TSHZ2: variants seen among roughly 807,000 people sequenced by gnomAD.
TSHZ2 encodes the protein teashirt zinc finger homeobox 2.
In TSHZ2, 21 loss-of-function variants were observed where a neutral mutation model predicts 74.4. The ratio of observed to expected loss-of-function variants is 0.28; its 90% confidence interval spans 0.20 to 0.41. TSHZ2 has a LOEUF of 0.41. Among genes scored for constraint, TSHZ2 ranks in the 10% least tolerant of loss-of-function variants. TSHZ2 has a pLI of 1.00. For missense variants in TSHZ2, 1,244 were observed against 1,293.5 expected, an observed-to-expected ratio of 0.96 and a Z score of 0.59; for synonymous variants, 540 against 515.3, an observed-to-expected ratio of 1.05 and a Z score of -0.65.
At chr20:53,131,589 G>C (rs1210479528) in intron 1 of TSHZ2, among the ~76,000 whole-genome samples, 1 of 152,180 alleles carries the variant, frequency 6.6e-6, no homozygotes, top group Admixed American at 6.5e-5. Context: ...CTGCGTGTTG[G>C]TGCTTTCCCA....
intron 2 of TSHZ2, among the ~76,000 whole-genome samples, chr20:53,273,767 G>A (rs1990886670): frequency 1.3e-5 from 2 of 152,212 alleles, no homozygotes; most frequent in South Asian, 4.2e-4. Context: ...GAGAATTCTG[G>A]ATCACTCAGG....
intron 1 of TSHZ2, among the ~76,000 whole-genome samples, chr20:53,195,297 A>G (rs1468377106): frequency 6.6e-6 from 1 of 152,104 alleles, no homozygotes; most frequent in Non-Finnish European, 1.5e-5. Flanking sequence ...ACACACACAT[A>G]TATATTCTTG....
chr20:53,436,923 T>C (rs996073991), intron 2 of TSHZ2, among the ~76,000 whole-genome samples: 2 of 152,204 alleles, frequency 1.3e-5, no homozygotes, highest in African/African-American at 2.4e-5. Flanking sequence ...CATGCTTTTT[T>C]TGGAATTCCA....
chr20:53,315,891 G>A lies in TSHZ2; in HGVS notation c.*8+59320G>A, dbSNP rs76041571. ...AATACACAGAGGCCTCCTAGAGGAC[G>A]TGATGTTTCAGCTGAGCTCTGGAGG... On this transcript the variant is annotated intron_variant, in intron 2 of 2. Transcript: ENST00000371497. Among the ~76,000 whole-genome samples, 1,229 of 152,280 alleles carry A rather than the reference G, an allele frequency of 8.1e-3. 13 individuals are homozygous for A. Among genetic ancestry groups the A allele is most frequent in the African/African-American group, 0.028 (1,180 of 41,558 alleles).
chr20:53,023,476 T>A (rs962139271), intron 1 of TSHZ2, among the ~76,000 whole-genome samples: 1 of 152,212 alleles, frequency 6.6e-6, no homozygotes, highest in African/African-American at 2.4e-5. Context: ...TTTGGCAATT[T>A]ACATTTTTAG....
intron 2 of TSHZ2, chr20:53,453,025 C>A (rs1427481738): frequency 6.6e-6 from 1 of 152,120 alleles, no homozygotes; most frequent in East Asian, 1.9e-4. Context: ...TGAATGAGGA[C>A]CATGAGATTA....
Position 53,255,781 on chromosome 20 carries a change from G to T in TSHZ2, c.2323G>T (p.Ala775Ser), listed in dbSNP as rs1382751491. The T allele has an allele frequency of 6.2e-7, 1 of 1,613,882 alleles. No homozygotes were observed. Among genetic ancestry groups the T allele is most frequent in the Non-Finnish European group, 8.5e-7 (1 of 1,179,984 alleles). Residue 775 changes from alanine (A) to serine (S), a missense_variant, in exon 2 of 3, where the codon GCC becomes TCC. Ala to Ser is a moderately conservative substitution (Grantham distance 99, BLOSUM62 1). Transcript: ENST00000371497. The surrounding 1 kb of genome is among the most constrained non-coding windows in gnomAD (Gnocchi z 4.1). The stretch of plus-strand genomic sequence containing the variant: ...CCTGACCAAGTCCAAAAGCAAGAAA[G>T]CCGAGTCCTCGCAAGCACAATCTTG... ...IDLTKSKSKK[A>S]ESSQAQSCMS...
Position 53,253,640 on chromosome 20 carries a change from A to G in TSHZ2, c.182A>G (p.Lys61Arg). ...GAGCTAGAAACGGGCCCAGAGCAAAAAGGCTGCTTCAGCTACCAGAACTCT... is the reference window on the plus strand; with the variant it reads ...GAGCTAGAAACGGGCCCAGAGCAAAGAGGCTGCTTCAGCTACCAGAACTCT... ...DEELETGPEQ[K>R]GCFSYQNSPG... The change falls in exon 2 of 3, where the codon AAA (lysine) becomes AGA (arginine). Residue 61 changes from lysine (K) to arginine (R), a missense_variant. Around this residue, in one of 6 missense-constraint regions of TSHZ2, gnomAD observed 470 missense variants for 456.5 expected, o/e 1.03. Coordinates refer to ENST00000371497, the MANE Select transcript of TSHZ2 (RefSeq NM_173485.6). 6.2e-7 allele frequency: 1 copy of G among 1,614,112 alleles called. No individual in the cohort carries two copies. Among genetic ancestry groups the G allele is most frequent in the Non-Finnish European group, 8.5e-7 (1 of 1,180,038 alleles).
intron 1 of TSHZ2, among the ~76,000 whole-genome samples, chr20:53,238,928 C>T (rs929736312): frequency 6.7e-6 from 1 of 149,270 alleles, no homozygotes; most frequent in African/African-American, 2.5e-5. Flanking sequence ...ATTGTTAATT[C>T]ATCCAAACTG....
intron 1 of TSHZ2, among the ~76,000 whole-genome samples, chr20:52,995,611 C>CTTTTT (rs11469115): frequency 1.5e-5 from 2 of 136,100 alleles, no homozygotes; most frequent in African/African-American, 2.8e-5. Flanking sequence ...TTTTTCTTTC[C>CTTTTT]TTTTTTTTTT....
At chr20:53,067,992 C>T (rs1036507419) in intron 1 of TSHZ2, among the ~76,000 whole-genome samples, 23 of 152,298 alleles carry the variant, frequency 1.5e-4, no homozygotes, top group African/African-American at 5.5e-4. Context: ...ACTCTAATCT[C>T]TGTGTCTGTT....
chr20:53,211,098 A>G lies in TSHZ2; in HGVS notation c.41-42401A>G, dbSNP rs557837387. ...GGTAGTATTTATTGAGTGATTTGCT[A>G]TGTATGCCAGACTCTTCTAAGCACA... is the stretch of plus-strand genomic sequence containing the variant. On this transcript the variant is annotated intron_variant, in intron 1 of 2. Transcript: ENST00000371497. 2.0e-4 allele frequency among the ~76,000 whole-genome samples: 31 copies of G among 152,344 alleles called. No individual in the cohort carries two copies. The South Asian group carries it at 6.2e-3, about 31-fold the overall frequency.
chr20:53,392,640 G>A (rs985668211), intron 2 of TSHZ2, among the ~76,000 whole-genome samples: 1 of 152,098 alleles, frequency 6.6e-6, no homozygotes, highest in Non-Finnish European at 1.5e-5. Context: ...GCTATGGGGT[G>A]ACTTTTCTTA....
rs781424430 is a variant in TSHZ2 at position 53,253,695 on chromosome 20, C to T, written c.237C>T (p.Ala79=). The change falls in exon 2 of 3, where the codon GCC becomes GCT. Residue 79 remains alanine (A), a synonymous_variant. Coordinates refer to ENST00000371497, the MANE Select transcript of TSHZ2 (RefSeq NM_173485.6). ...SPGSHLSNQD[A]ENESLLSDAS... ...GAAGTCATTTGTCCAATCAGGATGC[C>T]GAGAACGAGTCTCTGCTGAGTGACG... 10 of 1,614,014 alleles carry T rather than the reference C, an allele frequency of 6.2e-6. No homozygotes were observed. Among genetic ancestry groups the T allele is most frequent in the Middle Eastern group, 1.6e-4 (1 of 6,084 alleles).
At chr20:53,260,930 A>C (rs923802070) in intron 2 of TSHZ2, among the ~76,000 whole-genome samples, 2 of 152,226 alleles carry the variant, frequency 1.3e-5, no homozygotes. Context: ...TCAGATAACA[A>C]TGACAGTGAA....
intron 1 of TSHZ2, among the ~76,000 whole-genome samples, chr20:53,129,501 A>G (rs1040232791): frequency 4.6e-5 from 7 of 152,228 alleles, no homozygotes; most frequent in African/African-American, 1.2e-4. Context: ...GTACCATACT[A>G]TATCCATTTA....
chr20:53,217,612 G>T (rs1223817745), intron 1 of TSHZ2, among the ~76,000 whole-genome samples: 1 of 152,154 alleles, frequency 6.6e-6, no homozygotes, highest in East Asian at 1.9e-4. Flanking sequence ...TCAGTCTAGA[G>T]GAGGCAAAAG....
Position 53,253,679 on chromosome 20 carries a change from T to C in TSHZ2, c.221T>C (p.Leu74Ser), listed in dbSNP as rs1480339694. 6.2e-7 allele frequency: 1 copy of C among 1,614,158 alleles called. No homozygotes were observed. The highest frequency in any genetic ancestry group is 2.2e-5 in the East Asian group (1 of 44,870). Residue 74 changes from leucine (L) to serine (S), a missense_variant, in exon 2 of 3, where the codon TTG becomes TCG. Leu to Ser is a moderately radical substitution (Grantham distance 145). Around this residue, in one of 6 missense-constraint regions of TSHZ2, gnomAD observed 470 missense variants for 456.5 expected, o/e 1.03. Coordinates refer to ENST00000371497, the MANE Select transcript of TSHZ2 (RefSeq NM_173485.6). Reference sequence around the variant, plus strand: ...TACCAGAACTCTCCAGGAAGTCATTTGTCCAATCAGGATGCCGAGAACGAG... The same window carrying C: ...TACCAGAACTCTCCAGGAAGTCATTCGTCCAATCAGGATGCCGAGAACGAG... ...FSYQNSPGSH[L>S]SNQDAENESL... is the part of the protein sequence containing the mutation.
intron 2 of TSHZ2, among the ~76,000 whole-genome samples, chr20:53,277,548 C>A (rs1393080028): frequency 6.6e-6 from 1 of 152,080 alleles, no homozygotes. Flanking sequence ...GGATGTATGC[C>A]ATCAAAACTT....
Sources: gnomAD v4.1 joint callset for allele counts (sites outside exome capture counted in the v4.1 genomes callset) on GRCh38, gnomAD v4.1.1 for gene constraint, gnomAD v4.1.1 regional missense constraint, Gnocchi (gnomAD v3.1) non-coding constraint, MANE v1.5 for transcripts, NCBI Gene and HGNC (gene_info 2026-07-23, HGNC 2026-07-21) for gene names.